The following MCF2L variants were observed in gnomAD, a reference collection of about 807,000 sequenced individuals.
The protein encoded by MCF2L is guanine nucleotide exchange factor DBS.
Under a neutral mutation model 153.4 loss-of-function variants are expected in MCF2L, and 97 were observed. That is an observed-to-expected ratio of 0.63 (90% CI 0.54 to 0.75). MCF2L has a LOEUF of 0.75. Ranked by LOEUF, MCF2L falls within the 30% of genes least tolerant of loss-of-function variation. MCF2L has a pLI of 0.00. For synonymous variants in MCF2L, 659 were observed against 632.2 expected, an observed-to-expected ratio of 1.04 and a Z score of -0.64; for missense variants, 1,347 against 1,495.2, an observed-to-expected ratio of 0.90 and a Z score of 1.64.
intron 2 of MCF2L, among the ~76,000 whole-genome samples, chr13:112,926,370 A>G (rs554917183): frequency 7.9e-5 from 12 of 151,532 alleles, no homozygotes; most frequent in African/African-American, 2.7e-4. Flanking sequence ...GGCCTGGTCT[A>G]CATACACAGT....
At chr13:112,929,449 C>T (rs367910593) in intron 2 of MCF2L, among the ~76,000 whole-genome samples, 1 of 152,202 alleles carries the variant, frequency 6.6e-6, no homozygotes, top group African/African-American at 2.4e-5. Context: ...TATCTTTTAT[C>T]GGGATGGGAG....
rs1241187001 is a variant in MCF2L, at chr13:113,064,166, C to T, written c.490-138C>T. 3 of 716,416 alleles carry T rather than the reference C, an allele frequency of 4.2e-6. No individual in the cohort carries two copies. The highest frequency in any genetic ancestry group is 1.8e-5 in the Admixed American group (1 of 55,150). The allele number at this position is 716,416 out of a possible 1,614,324, so 44.4% of individuals were successfully genotyped here. A position where few individuals can be genotyped will look rare whatever the true frequency, so the allele number is the denominator to read the frequency against. On this transcript the variant is annotated intron_variant, in intron 5 of 29. Transcript: ENST00000535094. This position sits in a 1 kb window ranked among gnomAD's most constrained non-coding sequence, Gnocchi z 6.0. ...CACATCCATCCGCAGTGTCCAGGTG[C>T]CCCCACCCACACAGCCGCCCGCAGC...
chr13:112,991,320 C>T (rs1022376749), intron 1 of MCF2L, among the ~76,000 whole-genome samples: 4 of 147,448 alleles, frequency 2.7e-5, no homozygotes, highest in African/African-American at 1.0e-4. Flanking sequence ...ACCTGATTTG[C>T]TGTGTTTTGG....
At chr13:112,966,699 T>C (rs2081897962), upstream of MCF2L, among the ~76,000 whole-genome samples, 2 of 151,978 alleles carry the variant, frequency 1.3e-5, no homozygotes, top group South Asian at 2.1e-4. This position sits in a 1 kb window ranked among gnomAD's most constrained non-coding sequence, Gnocchi z 4.1. Context: ...AAGAAGCCAA[T>C]AGCATGTGTG....
At chr13:112,920,242 T>C (rs896515653) in intron 2 of MCF2L, among the ~76,000 whole-genome samples, 16 of 152,224 alleles carry the variant, frequency 1.1e-4, no homozygotes, top group African/African-American at 3.9e-4. Context: ...CGTGTGTCTG[T>C]AGAGTACAGT....
Position 113,022,752 on chromosome 13 carries a change from AG to A in MCF2L, c.164-1887del, listed in dbSNP as rs1285652856. Among the ~76,000 whole-genome samples the A allele has an allele frequency of 2.6e-5, 4 of 152,304 alleles. No homozygotes were observed. The East Asian group carries it at 7.7e-4, about 29-fold the overall frequency. On this transcript the variant is annotated intron_variant, in intron 2 of 29. Coordinates refer to ENST00000535094, the MANE Select transcript of MCF2L (RefSeq NM_001112732.3). ...CTGAGACGTGCGTGAGCCACATCCC[AG>A]GGGGCTTTGAGCCCCCACCGCGGCG...
At position 112,993,010 on chromosome 13, in the gene MCF2L, C is replaced by T. The variant is rs371447536; in HGVS notation, c.80-21753C>T. The stretch of plus-strand genomic sequence containing the variant: ...TCAGTCTCTGCCAAACGTGCGCGGG[C>T]ATCAGGCAGGAGTCCATGGGCCATG... On this transcript the variant is annotated intron_variant, in intron 1 of 29. Transcript: ENST00000535094. This position sits in a 1 kb window ranked among gnomAD's most constrained non-coding sequence, Gnocchi z 4.6. 3.5e-3 allele frequency among the ~76,000 whole-genome samples: 526 copies of T among 152,376 alleles called. 5 individuals carry two copies. Among genetic ancestry groups the T allele is most frequent in the African/African-American group, 0.012 (498 of 41,598 alleles).
chr13:113,030,487 G>A (rs1423551759), intron 3 of MCF2L, among the ~76,000 whole-genome samples: 10 of 149,508 alleles, frequency 6.7e-5, no homozygotes, highest in Admixed American at 3.3e-4. Context: ...GGTGTCCGCC[G>A]ACGCCCGGTG....
rs1313104199 is a variant in MCF2L at position 113,074,344 on chromosome 13, C to T, written c.997-100C>T. On this transcript the variant is annotated intron_variant, in intron 9 of 29. Coordinates refer to ENST00000535094, the MANE Select transcript of MCF2L (RefSeq NM_001112732.3). The surrounding 1 kb of genome is among the most constrained non-coding windows in gnomAD (Gnocchi z 4.2). ...CTTGATTGATGACCACTTGGCCCGA[C>T]TTTGAATTCTGTCATTTCCCTGATC... The T allele has an allele frequency of 8.7e-6, 13 of 1,490,820 alleles. No individual in the cohort carries two copies. Among genetic ancestry groups the T allele is most frequent in the Non-Finnish European group, 1.2e-5 (13 of 1,083,332 alleles). The allele number at this position is 1,490,820 out of a possible 1,614,324, so 92.3% of individuals were successfully genotyped here.
chr13:113,082,168 T>A (rs1249877159), intron 16 of MCF2L, among the ~76,000 whole-genome samples: 2 of 152,186 alleles, frequency 1.3e-5, no homozygotes, highest in African/African-American at 4.8e-5. Context: ...GACATAAGAT[T>A]TGTGCCCTCT....
At chr13:113,096,238 TC>T in intron 27 of MCF2L, 132 bp from the exon 28 acceptor site, 2 of 687,930 alleles carry the variant, frequency 2.9e-6, no homozygotes, top group East Asian at 5.4e-5. Flanking sequence ...CTGGAGCCCT[TC>T]CCCGGAGCTG....
intron 4 of MCF2L, among the ~76,000 whole-genome samples, chr13:113,050,301 T>A (rs553322599): frequency 4.6e-5 from 7 of 151,714 alleles, no homozygotes; most frequent in Non-Finnish European, 8.8e-5. Context: ...TGTGTGTGTG[T>A]GAGAGTGAGT....
At chr13:113,063,796 G>C (rs895411339) in intron 5 of MCF2L, 23 of 441,680 alleles carry the variant, frequency 5.2e-5, no homozygotes, top group African/African-American at 4.4e-4. Context: ...ACTGAAACAC[G>C]GACACACACG....
Position 113,085,088 on chromosome 13 carries a change from A to C in MCF2L, c.2157A>C (p.Glu719Asp). 2 of 1,613,746 alleles carry C rather than the reference A, an allele frequency of 1.2e-6. No homozygotes were observed. Among genetic ancestry groups the C allele is most frequent in the Non-Finnish European group, 1.7e-6 (2 of 1,179,998 alleles). Residue 719 changes from glutamate (E) to aspartate (D), a missense_variant and splice_region_variant, in exon 20 of 30, where the codon GAA becomes GAC. Physicochemically the swap from Glu to Asp is conservative, Grantham distance 45 (BLOSUM62 2). Coordinates refer to ENST00000535094, the MANE Select transcript of MCF2L (RefSeq NM_001112732.3). Reference protein sequence around the residue: ...RQCSDCPFFQECQRKLDHKLS... With the variant: ...RQCSDCPFFQDCQRKLDHKLS... The stretch of plus-strand genomic sequence containing the variant: ...CAAAGGCTCTGGGTTGGTTCCAGGA[A>C]TGCCAGAGAAAGCTGGACCACAAGC...
intron 4 of MCF2L, among the ~76,000 whole-genome samples, chr13:113,050,524 A>AC (rs2087170780): frequency 6.7e-6 from 1 of 149,692 alleles, no homozygotes; most frequent in Non-Finnish European, 1.5e-5. Context: ...TGTCTGAGGG[A>AC]CCCCGGACTT....
At position 113,060,846 on chromosome 13, in the gene MCF2L, G is replaced by A. The variant is rs187955585; in HGVS notation, c.489+134G>A. The A allele has an allele frequency of 8.7e-4, 1,088 of 1,248,560 alleles. 9 individuals carry two copies. The East Asian group carries it at 0.022, about 25-fold the overall frequency. 77.3% of individuals were successfully genotyped at this position (1,248,560 alleles called of 1,614,324 possible). ...TCAACAAAACCCCGCAGGACCTGGC[G>A]GGAAGTTGCACCTCCTCAATGCTGC... On this transcript the variant is annotated intron_variant, in intron 5 of 29. Transcript: ENST00000535094.
chr13:112,932,306 G>A lies in MCF2L; in HGVS notation c.169+29935G>A, dbSNP rs1282347049. ...TCCCCACTCCAATCATGAGAAGGAC[G>A]TCAGAGTTCCAACAGAGGCTTCCAG... On this transcript the variant is annotated intron_variant, in intron 2 of 29. Coordinates refer to the MCF2L transcript ENST00000375608. This position sits in a 1 kb window ranked among gnomAD's most constrained non-coding sequence, Gnocchi z 4.6. 1.3e-5 allele frequency among the ~76,000 whole-genome samples: 2 copies of A among 152,086 alleles called. No individual in the cohort carries two copies. Among genetic ancestry groups the A allele is most frequent in the Non-Finnish European group, 2.9e-5 (2 of 68,028 alleles).
At chr13:113,038,360 G>A (rs1181371044) in intron 3 of MCF2L, among the ~76,000 whole-genome samples, 1 of 151,918 alleles carries the variant, frequency 6.6e-6, no homozygotes, top group Non-Finnish European at 1.5e-5. Flanking sequence ...AGCTACTCGG[G>A]AGGCTGAGGC....
At chr13:112,919,498 C>G (rs2081332436) in intron 2 of MCF2L, among the ~76,000 whole-genome samples, 1 of 152,240 alleles carries the variant, frequency 6.6e-6, no homozygotes, top group African/African-American at 2.4e-5. Context: ...AGCCACCGCG[C>G]CCGGCCAGAA....
Sources: allele counts gnomAD v4.1 joint callset (sites outside exome capture counted in the v4.1 genomes callset), GRCh38; gene constraint gnomAD v4.1.1; non-coding constraint Gnocchi (gnomAD v3.1); transcripts MANE v1.5; gene names NCBI Gene and HGNC (gene_info 2026-07-23, HGNC 2026-07-21).